TBX4: variants seen among roughly 807,000 people sequenced by gnomAD.
TBX4 encodes the protein T-box transcription factor TBX4.
Under a neutral mutation model 54.6 loss-of-function variants are expected in TBX4, and 13 were observed. The ratio of observed to expected loss-of-function variants is 0.24; its 90% CI spans 0.15 to 0.38. TBX4 has a LOEUF of 0.38. TBX4 is among the 10% of genes least tolerant of loss of function. The probability of loss-of-function intolerance (pLI) is 1.00; values close to 1 mark genes in which losing one functional copy is unlikely to be tolerated. For missense variants in TBX4, 631 were observed against 728.5 expected (o/e 0.87, Z 1.54); for synonymous variants, 314 against 306.7 (o/e 1.02, Z -0.25).
chr17:61,474,210 C>T lies in TBX4; in HGVS notation c.550-4417C>T, dbSNP rs1468039883. Among the ~76,000 whole-genome samples, 1 of 152,164 alleles carries T rather than the reference C, an allele frequency of 6.6e-6. No homozygotes were observed. The highest frequency in any genetic ancestry group is 1.5e-5 in the Non-Finnish European group (1 of 68,034). On this transcript the variant is annotated intron_variant, in intron 5 of 8. Coordinates refer to ENST00000644296, the MANE Select transcript of TBX4 (RefSeq NM_001321120.2). The surrounding 1 kb of genome is among the most constrained non-coding windows in gnomAD (Gnocchi z 4.6). Reference sequence around the variant, plus strand: ...TGGTTTTAGTATCTGACAAAATGGACATTAGCCACACTTTTGAGGGGCTAG... The same window carrying T: ...TGGTTTTAGTATCTGACAAAATGGATATTAGCCACACTTTTGAGGGGCTAG...
At position 61,457,406 on chromosome 17, in the gene TBX4, C is replaced by T; in HGVS notation, c.187-131C>T. The T allele has an allele frequency of 1.3e-6, 1 of 763,738 alleles. No homozygotes were observed. Among genetic ancestry groups the T allele is most frequent in the African/African-American group, 1.7e-5 (1 of 57,184 alleles). 47.3% of individuals were successfully genotyped at this position (763,738 alleles called of 1,614,324 possible). ...AATAGTTCAAAATCGTTCTGTGAAA[C>T]GAAATCTGGAGCCATGGGCTCCGGG... On this transcript the variant is annotated intron_variant, in intron 2 of 8. Transcript: ENST00000644296. The surrounding 1 kb of genome is among the most constrained non-coding windows in gnomAD (Gnocchi z 8.2).
At position 61,483,105 on chromosome 17, in the gene TBX4, C is replaced by T; in HGVS notation, c.1230C>T (p.Asp410=). The T allele has an allele frequency of 6.2e-7, 1 of 1,614,094 alleles. No individual in the cohort carries two copies. Among genetic ancestry groups the T allele is most frequent in the Non-Finnish European group, 8.5e-7 (1 of 1,180,024 alleles). The change falls in exon 9 of 9, where the codon GAC becomes GAT. Residue 410 remains aspartate, a synonymous_variant. Transcript: ENST00000644296. This position sits in a 1 kb window ranked among gnomAD's most constrained non-coding sequence, Gnocchi z 6.6. ...PEIAGVSGVD[D]LPPPPLSCNM... ...TTGCCGGGGTGTCTGGGGTGGACGA[C>T]CTGCCCCCACCTCCGCTGAGCTGTA...
rs979888745 is a variant in TBX4, at chr17:61,457,221, C to T, written c.187-316C>T. On this transcript the variant is annotated intron_variant, in intron 2 of 8. Transcript: ENST00000644296. The surrounding 1 kb of genome is among the most constrained non-coding windows in gnomAD (Gnocchi z 8.2). ...CGCCTCTCCCTGTCTGTGTCTGCCC[C>T]GGGAGCCTGTGGCGATGGCCCGCCA... Among the ~76,000 whole-genome samples the T allele has an allele frequency of 1.3e-5, 2 of 152,048 alleles. No homozygotes were observed. Among genetic ancestry groups the T allele is most frequent in the Non-Finnish European group, 2.9e-5 (2 of 67,980 alleles).
chr17:61,457,539 C>A lies in TBX4; in HGVS notation c.189C>A (p.Thr63=), dbSNP rs1455120120. ...GTTTCTCTCCCTCCCATCCCCAGAC[C>A]ATCGAGAACATCAAGGTGGGGCTGC... ...DVVAAAAAEQ[T]IENIKVGLHE... is the part of the protein sequence containing the mutation. Residue 63 remains threonine, a splice_region_variant and synonymous_variant, in exon 3 of 9, where the codon ACC becomes ACA. Transcript: ENST00000644296. The surrounding 1 kb of genome is among the most constrained non-coding windows in gnomAD (Gnocchi z 8.2). The A allele has an allele frequency of 6.2e-7, 1 of 1,613,868 alleles. No individual in the cohort carries two copies. The highest frequency in any genetic ancestry group is 1.7e-5 in the Admixed American group (1 of 60,022).
Position 61,479,951 on chromosome 17 carries a change from G to T in TBX4, c.773G>T (p.Arg258Leu). ...GFRGSDDSDL[R>L]VARLQSKEYP... ...CGGGGCAGTGATGACAGTGACCTGC[G>T]TGTGGCCCGACTGCAGAGGTGGGGC... is the stretch of plus-strand genomic sequence containing the variant. Residue 258 changes from arginine (R) to leucine (L), a missense_variant, in exon 7 of 9, where the codon CGT becomes CTT. Around this residue, in one of 3 missense-constraint regions of TBX4, gnomAD observed 154 missense variants for 238.6 expected, o/e 0.65. Transcript: ENST00000644296. The surrounding 1 kb of genome is among the most constrained non-coding windows in gnomAD (Gnocchi z 6.1). The T allele has an allele frequency of 1.2e-6, 2 of 1,614,080 alleles. No individual in the cohort carries two copies. The highest frequency in any genetic ancestry group is 8.5e-7 in the Non-Finnish European group (1 of 1,180,002).
chr17:61,470,645 C>T (rs748108707), intron 5 of TBX4, among the ~76,000 whole-genome samples: 5 of 152,318 alleles, frequency 3.3e-5, no homozygotes, highest in Non-Finnish European at 5.9e-5. Flanking sequence ...GCGTCAGCTC[C>T]AGTCCCGAGG....
chr17:61,456,815 G>C, intron 2 of TBX4, 139 bp downstream of exon 2: 3 of 603,030 alleles, frequency 5.0e-6, no homozygotes, highest in Non-Finnish European at 7.2e-6. Flanking sequence ...CTGCCCGTTC[G>C]TTCTCCACTG....
chr17:61,476,234 A>G lies in TBX4; in HGVS notation c.550-2393A>G, dbSNP rs116486266. Among the ~76,000 whole-genome samples the G allele has an allele frequency of 3.4e-3, 514 of 152,378 alleles. 5 individuals carry two copies. The highest frequency in any genetic ancestry group is 0.012 in the African/African-American group (491 of 41,590). ...AGATAACACATGAGAAGTAAGTTTC[A>G]GAACTGGGCGTTCAGAGCAGGCCCT... On this transcript the variant is annotated intron_variant, in intron 5 of 8. Coordinates refer to ENST00000644296, the MANE Select transcript of TBX4 (RefSeq NM_001321120.2). The surrounding 1 kb of genome is among the most constrained non-coding windows in gnomAD (Gnocchi z 6.5).
chr17:61,458,953 G>A (rs1177564642), intron 3 of TBX4, among the ~76,000 whole-genome samples: 1 of 152,258 alleles, frequency 6.6e-6, no homozygotes, highest in Admixed American at 6.5e-5. Context: ...TCCCTGGCAG[G>A]CCTTATAAAG....
intron 5 of TBX4, among the ~76,000 whole-genome samples, chr17:61,471,405 T>C (rs2060576816): frequency 6.6e-6 from 1 of 152,246 alleles, no homozygotes; most frequent in Admixed American, 6.5e-5. Context: ...GAATAGGAAA[T>C]ACTTTCACAA....
intron 1 of TBX4, 23 bp from the exon 2 acceptor site, chr17:61,456,465 C>T (rs567672041): frequency 1.9e-6 from 3 of 1,558,122 alleles, no homozygotes; most frequent in African/African-American, 2.7e-5. Flanking sequence ...GGGCGAGTGA[C>T]TCGTTGTGTG....
rs1024819585 is a variant in TBX4, at chr17:61,460,909, A to G, written c.281+3278A>G. Among the ~76,000 whole-genome samples, 3 of 152,262 alleles carry G rather than the reference A, an allele frequency of 2.0e-5. No individual in the cohort carries two copies. Among genetic ancestry groups the G allele is most frequent in the Admixed American group, 2.0e-4 (3 of 15,288 alleles). ...TTTGCGTTTGAAAAATGAACTACCGATGAGAACTCCTGTTGAACCTGTATT... is the reference window on the plus strand; with the variant it reads ...TTTGCGTTTGAAAAATGAACTACCGGTGAGAACTCCTGTTGAACCTGTATT... On this transcript the variant is annotated intron_variant, in intron 3 of 8. Coordinates refer to ENST00000644296, the MANE Select transcript of TBX4 (RefSeq NM_001321120.2). This position sits in a 1 kb window ranked among gnomAD's most constrained non-coding sequence, Gnocchi z 4.4.
rs1209338346 is a variant in TBX4 at position 61,472,551 on chromosome 17, A to G, written c.549+4894A>G. On this transcript the variant is annotated intron_variant, in intron 5 of 8. Transcript: ENST00000644296. This position sits in a 1 kb window ranked among gnomAD's most constrained non-coding sequence, Gnocchi z 4.5. ...AGCTCTTATCTGTGATGAGTTACACATGTCCAGGTTATCATTTGTCATTTG... is the reference window on the plus strand; with the variant it reads ...AGCTCTTATCTGTGATGAGTTACACGTGTCCAGGTTATCATTTGTCATTTG... Among the ~76,000 whole-genome samples, 2 of 152,178 alleles carry G rather than the reference A, an allele frequency of 1.3e-5. No individual in the cohort carries two copies. The highest frequency in any genetic ancestry group is 4.8e-5 in the African/African-American group (2 of 41,442).
In TBX4 at chr17:61,460,408, A is replaced by G. The variant is rs2060486309; in HGVS notation, c.281+2777A>G. ...CCTACCTTAGCCCTTTGGGTCCTTGAGAGTCTTGAAGGTTGACAGAGAGAA... is the reference window on the plus strand; with the variant it reads ...CCTACCTTAGCCCTTTGGGTCCTTGGGAGTCTTGAAGGTTGACAGAGAGAA... On this transcript the variant is annotated intron_variant, in intron 3 of 8. Coordinates refer to ENST00000644296, the MANE Select transcript of TBX4 (RefSeq NM_001321120.2). This position sits in a 1 kb window ranked among gnomAD's most constrained non-coding sequence, Gnocchi z 4.4. 1 of 152,210 alleles carries G rather than the reference A, an allele frequency of 6.6e-6. No individual in the cohort carries two copies. The highest frequency in any genetic ancestry group is 6.5e-5 in the Admixed American group (1 of 15,282). The allele number at this position is 152,210 out of a possible 1,614,324, so 9.4% of individuals were successfully genotyped here.
intron 4 of TBX4, among the ~76,000 whole-genome samples, chr17:61,466,751 C>T (rs769694169): frequency 1.4e-4 from 22 of 152,210 alleles, no homozygotes; most frequent in Non-Finnish European, 2.1e-4. Flanking sequence ...GCTCTGGCTG[C>T]GGGGAGAGCT....
In TBX4 at chr17:61,456,739, T is replaced by C. The variant is rs2060453576; in HGVS notation, c.186+63T>C. The C allele has an allele frequency of 4.9e-6, 6 of 1,229,016 alleles. No individual in the cohort carries two copies. The South Asian group carries it at 1.1e-4, about 23-fold the overall frequency. 76.1% of individuals were successfully genotyped at this position (1,229,016 alleles called of 1,614,324 possible). ...CGGTCTGTCTGCGGGGCCGCCTGTG[T>C]CCGTCTTTCCGTCCGATTGTCGGCA... On this transcript the variant is annotated intron_variant, in intron 2 of 8. Transcript: ENST00000644296.
At chr17:61,469,785 T>C (rs2060562989) in intron 5 of TBX4, among the ~76,000 whole-genome samples, 1 of 152,202 alleles carries the variant, frequency 6.6e-6, no homozygotes, top group South Asian at 2.1e-4. Context: ...ACATTGATTT[T>C]CTTCTGCCTC....
In TBX4 at chr17:61,475,549, A is replaced by G. The variant is rs2060614070; in HGVS notation, c.550-3078A>G. ...GTGGGGCCTGAAGCAGGGGTGTGCA[A>G]AAGGAATGGAGGGGCTTTTGTTTTA... On this transcript the variant is annotated intron_variant, in intron 5 of 8. Coordinates refer to ENST00000644296, the MANE Select transcript of TBX4 (RefSeq NM_001321120.2). This position sits in a 1 kb window ranked among gnomAD's most constrained non-coding sequence, Gnocchi z 5.0. Among the ~76,000 whole-genome samples, 1 of 152,072 alleles carries G rather than the reference A, an allele frequency of 6.6e-6. No individual in the cohort carries two copies. The highest frequency in any genetic ancestry group is 2.1e-4 in the South Asian group (1 of 4,824).
At chr17:61,467,703 T>C (rs750834844) in intron 5 of TBX4, 46 bp downstream of exon 5, 1 of 1,612,498 alleles carries the variant, frequency 6.2e-7, no homozygotes. Flanking sequence ...TCTGGGGCAG[T>C]TTTAGGGGTG....
Sources: allele counts gnomAD v4.1 joint callset (sites outside exome capture counted in the v4.1 genomes callset), GRCh38; gene constraint gnomAD v4.1.1; regional missense constraint gnomAD v4.1.1; non-coding constraint Gnocchi (gnomAD v3.1); transcripts MANE v1.5; gene names NCBI Gene and HGNC (gene_info 2026-07-23, HGNC 2026-07-21).